The following CACNG4 variants were observed in gnomAD, a reference collection of about 807,000 sequenced individuals.
CACNG4 encodes the protein calcium voltage-gated channel auxiliary subunit gamma 4.
CACNG4 carries 8 observed loss-of-function variants against 22.9 expected under a neutral mutation model. The ratio of observed to expected loss-of-function variants is 0.35; its 90% CI spans 0.21 to 0.63. The LOEUF is 0.63. CACNG4 is among the 30% of genes least tolerant of loss of function. The probability of loss-of-function intolerance (pLI) is 0.72; values close to 1 mark genes in which losing one functional copy is unlikely to be tolerated. For synonymous variants in CACNG4, 188 were observed against 191.9 expected, an observed-to-expected ratio of 0.98 and a Z score of 0.17; for missense variants, 357 against 455.4, an observed-to-expected ratio of 0.78 and a Z score of 1.97.
In CACNG4 at chr17:66,998,128, G is replaced by A. The variant is rs367721161; in HGVS notation, c.221-20061G>A. 2.0e-5 allele frequency among the ~76,000 whole-genome samples: 3 copies of A among 152,202 alleles called. No homozygotes were observed. In the East Asian group the frequency reaches 5.8e-4, roughly 29 times the overall value. ...GGCTGTTCTGGATAGAGTGGCATTG[G>A]AGGAAGACTCCATCTATGCCGCAAA... On this transcript the variant is annotated intron_variant, in intron 1 of 3. Transcript: ENST00000262138.
rs1190707759 is a variant in CACNG4, at chr17:67,031,626, G to A, written c.*622G>A. 4.4e-6 allele frequency: 2 copies of A among 456,690 alleles called. No homozygotes were observed. The highest frequency in any genetic ancestry group is 1.5e-5 in the South Asian group (1 of 64,570). 28.3% of individuals were successfully genotyped at this position (456,690 alleles called of 1,614,324 possible). The stretch of plus-strand genomic sequence containing the variant: ...GCTTTGGCCTTTGCGCTGTCCCGGG[G>A]CCAGCTTCCCTCGACCTGGGGAGGC... On this transcript the variant is annotated 3_prime_UTR_variant, in exon 4 of 4. Coordinates refer to ENST00000262138, the MANE Select transcript of CACNG4 (RefSeq NM_014405.4). This position sits in a 1 kb window ranked among gnomAD's most constrained non-coding sequence, Gnocchi z 4.0.
intron 1 of CACNG4, among the ~76,000 whole-genome samples, chr17:66,991,955 G>C (rs1164974406): frequency 6.6e-6 from 1 of 152,158 alleles, no homozygotes; most frequent in African/African-American, 2.4e-5. Flanking sequence ...ATGCCTGCTG[G>C]AATGCGAGCT....
chr17:66,987,755 G>A (rs966131120), intron 1 of CACNG4, among the ~76,000 whole-genome samples: 3 of 152,040 alleles, frequency 2.0e-5, no homozygotes, highest in South Asian at 2.1e-4. Context: ...CCCTTTTGAC[G>A]GCCCTCTTTT....
intron 3 of CACNG4, among the ~76,000 whole-genome samples, chr17:67,026,271 G>A (rs12948055): frequency 3.0e-4 from 45 of 151,434 alleles, no homozygotes; most frequent in Non-Finnish European, 4.9e-4. Flanking sequence ...TTGTGTGTGC[G>A]AGGAGTGTGG....
intron 1 of CACNG4, among the ~76,000 whole-genome samples, chr17:66,981,046 C>T (rs1022549474): frequency 6.6e-6 from 1 of 152,050 alleles, no homozygotes; most frequent in African/African-American, 2.4e-5. Context: ...CAATGTGACT[C>T]GTGCGACCCT....
At chr17:67,009,509 C>CCAA (rs57771539) in intron 1 of CACNG4, among the ~76,000 whole-genome samples, 4,793 of 152,254 alleles carry the variant, frequency 0.031, 252 homozygotes, top group African/African-American at 0.11. Context: ...AAGGGTACCT[C>CCAA]CCTGGGCCTT....
At chr17:66,997,708 G>A (rs573778655) in intron 1 of CACNG4, among the ~76,000 whole-genome samples, 28 of 152,234 alleles carry the variant, frequency 1.8e-4, no homozygotes, top group African/African-American at 6.3e-4. Flanking sequence ...TCCCAGCTAT[G>A]CAGGAAGCTG....
chr17:67,025,123 C>T, intron 3 of CACNG4, 123 bp downstream of exon 3: 2 of 892,154 alleles, frequency 2.2e-6, no homozygotes, highest in Non-Finnish European at 3.1e-6. Context: ...AACATCGCCA[C>T]ATGCAACTGA....
intron 1 of CACNG4, among the ~76,000 whole-genome samples, chr17:66,973,748 C>T (rs993830687): frequency 9.2e-5 from 14 of 152,154 alleles, no homozygotes; most frequent in African/African-American, 2.9e-4. Flanking sequence ...CTCTCTCCAG[C>T]GGGTGCATGG....
chr17:66,969,982 C>T (rs78692313), intron 1 of CACNG4, among the ~76,000 whole-genome samples: 2,835 of 152,276 alleles, frequency 0.019, 35 homozygotes, highest in Middle Eastern at 0.037. Context: ...CCTTCCCTGA[C>T]GCGCTAAGTA....
intron 2 of CACNG4, among the ~76,000 whole-genome samples, chr17:67,023,016 G>T (rs994960559): frequency 1.3e-5 from 2 of 152,214 alleles, no homozygotes; most frequent in African/African-American, 4.8e-5. Context: ...CGAAGTCAAG[G>T]TGTTGGGGGA....
chr17:66,981,602 C>CT (rs1567750983), intron 1 of CACNG4, among the ~76,000 whole-genome samples: 1 of 152,148 alleles, frequency 6.6e-6, no homozygotes, highest in African/African-American at 2.4e-5. Context: ...GAGACCCACT[C>CT]TGTTTGTCAC....
chr17:66,986,750 C>T (rs935876693), intron 1 of CACNG4, among the ~76,000 whole-genome samples: 10 of 152,200 alleles, frequency 6.6e-5, no homozygotes, highest in Middle Eastern at 3.2e-3. Flanking sequence ...AGAAGCATCA[C>T]CTTCGTCTCC....
At chr17:67,021,200 TA>T (rs35981016) in intron 2 of CACNG4, among the ~76,000 whole-genome samples, 8,454 of 141,604 alleles carry the variant, frequency 0.06, 282 homozygotes, top group South Asian at 0.11. Context: ...GACCCCATCT[TA>T]AAAAAAAAAA....
chr17:66,978,242 GT>G (rs1015900910), intron 1 of CACNG4, among the ~76,000 whole-genome samples: 1 of 152,186 alleles, frequency 6.6e-6, no homozygotes, highest in African/African-American at 2.4e-5. Context: ...GCAATATGGG[GT>G]TGTTAGCGAT....
rs1023431594 is a variant in CACNG4 at position 67,027,904 on chromosome 17, C to A, written c.446-2562C>A. ...GTTTGGTGGCAGGTGCCTGTAATCC[C>A]AGCTACTTGGGAGTCTGAGGCACGA... On this transcript the variant is annotated intron_variant, in intron 3 of 3. Transcript: ENST00000262138. This position sits in a 1 kb window ranked among gnomAD's most constrained non-coding sequence, Gnocchi z 4.3. 3.3e-5 allele frequency among the ~76,000 whole-genome samples: 5 copies of A among 152,096 alleles called. No homozygotes were observed. Among genetic ancestry groups the A allele is most frequent in the Non-Finnish European group, 7.4e-5 (5 of 68,010 alleles).
chr17:66,984,668 G>A lies in CACNG4; in HGVS notation c.220+19537G>A, dbSNP rs1335617503. 6.6e-6 allele frequency among the ~76,000 whole-genome samples: 1 copy of A among 152,112 alleles called. No homozygotes were observed. Among genetic ancestry groups the A allele is most frequent in the Non-Finnish European group, 1.5e-5 (1 of 68,012 alleles). ...TCTGCAGATTCTGAGACTCGGAGCTGTTCAGAATGACATGACCTCCCACTT... is the reference window on the plus strand; with the variant it reads ...TCTGCAGATTCTGAGACTCGGAGCTATTCAGAATGACATGACCTCCCACTT... On this transcript the variant is annotated intron_variant, in intron 1 of 3. Transcript: ENST00000262138. This position sits in a 1 kb window ranked among gnomAD's most constrained non-coding sequence, Gnocchi z 4.0.
rs1286463570 is a variant in CACNG4, at chr17:67,030,398, C to G, written c.446-68C>G. The G allele has an allele frequency of 2.2e-6, 3 of 1,387,826 alleles. No individual in the cohort carries two copies. The African/African-American group carries it at 4.3e-5, about 20-fold the overall frequency. 86.0% of individuals were successfully genotyped at this position (1,387,826 alleles called of 1,614,324 possible). On this transcript the variant is annotated intron_variant, in intron 3 of 3. Coordinates refer to ENST00000262138, the MANE Select transcript of CACNG4 (RefSeq NM_014405.4). The surrounding 1 kb of genome is among the most constrained non-coding windows in gnomAD (Gnocchi z 6.4). Reference sequence around the variant, plus strand: ...CACCTGTTCCCTACACTGCCCGTCCCACTGTGGGTCTAACCTCTGCCTCTC... The same window carrying G: ...CACCTGTTCCCTACACTGCCCGTCCGACTGTGGGTCTAACCTCTGCCTCTC...
At position 67,001,105 on chromosome 17, in the gene CACNG4, C is replaced by T. The variant is rs114486776; in HGVS notation, c.221-17084C>T. On this transcript the variant is annotated intron_variant, in intron 1 of 3. Transcript: ENST00000262138. ...GTCTCGTGGTAGTGAATAAGTCTCA[C>T]GAGATCAATGGTTTTATAAAGGGCA... Among the ~76,000 whole-genome samples, 872 of 152,122 alleles carry T rather than the reference C, an allele frequency of 5.7e-3. 7 individuals are homozygous for T. The highest frequency in any genetic ancestry group is 0.018 in the African/African-American group (749 of 41,488).
Sources: gnomAD v4.1 joint callset for allele counts (sites outside exome capture counted in the v4.1 genomes callset) on GRCh38, gnomAD v4.1.1 for gene constraint, Gnocchi (gnomAD v3.1) non-coding constraint, MANE v1.5 for transcripts, NCBI Gene and HGNC (gene_info 2026-07-23, HGNC 2026-07-21) for gene names.